Variants in COL16A1 observed in about 807,000 individuals in gnomAD.
COL16A1 encodes the protein collagen type XVI alpha 1 chain.
In COL16A1, 189 loss-of-function variants were observed where a neutral mutation model predicts 266.3. The observed-to-expected ratio is 0.71, with a 90% CI of 0.63 to 0.80. COL16A1 has a LOEUF of 0.80. Among genes scored for constraint, COL16A1 ranks in the 30% least tolerant of loss-of-function variants. The probability of loss-of-function intolerance (pLI) is 0.00; values close to 1 mark genes in which losing one functional copy is unlikely to be tolerated. For missense variants in COL16A1, 1,928 were observed against 2,122.4 expected (o/e 0.91, Z 1.80); for synonymous variants, 740 against 782.3 (o/e 0.95, Z 0.90).
In COL16A1 at chr1:31,685,920, G is replaced by A; in HGVS notation, c.1885-150C>T. ...TCTTGGGAAAGATGAAGGGAGAACAGGAAAGAAACAAAGGTGGAGCTGAGT... is the reference window on the plus strand; with the variant it reads ...TCTTGGGAAAGATGAAGGGAGAACAAGAAAGAAACAAAGGTGGAGCTGAGT... On this transcript the variant is annotated intron_variant, in intron 28 of 70. Transcript: ENST00000373672. This position sits in a 1 kb window ranked among gnomAD's most constrained non-coding sequence, Gnocchi z 4.0. 2 of 1,498,162 alleles carry A rather than the reference G, an allele frequency of 1.3e-6. No homozygotes were observed. The highest frequency in any genetic ancestry group is 1.3e-5 in the South Asian group (1 of 77,488). 92.8% of individuals were successfully genotyped at this position (1,498,162 alleles called of 1,614,324 possible).
At chr1:31,686,185 C>G (rs1270739194) in intron 27 of COL16A1, 50 bp from the exon 28 acceptor site, 5 of 1,614,160 alleles carry the variant, frequency 3.1e-6, no homozygotes, top group Admixed American at 1.7e-5. Flanking sequence ...CAGGGCCATG[C>G]CTATCAGCCC....
intron 39 of COL16A1, 124 bp downstream of exon 39, chr1:31,680,781 C>A: frequency 6.4e-7 from 1 of 1,569,614 alleles, no homozygotes; most frequent in Non-Finnish European, 8.7e-7. Flanking sequence ...TGTGCACAGG[C>A]TCCCCTGGTT....
At position 31,684,710 on chromosome 1, in the gene COL16A1, C is replaced by T. The variant is rs1268483699; in HGVS notation, c.2053-80G>A. 7.5e-6 allele frequency: 12 copies of T among 1,608,724 alleles called. No homozygotes were observed. The African/African-American group carries it at 1.2e-4, about 16-fold the overall frequency. On this transcript the variant is annotated intron_variant, in intron 30 of 70. Coordinates refer to ENST00000373672, the MANE Select transcript of COL16A1 (RefSeq NM_001856.4). ...CCCCCCTGGGACTCGCAGGCACTCA[C>T]ACTCCTTTGCCGGGGCTGAGGGTTG... is the stretch of plus-strand genomic sequence containing the variant.
At chr1:31,689,373 T>A in intron 23 of COL16A1, 1 of 587,606 alleles carries the variant, frequency 1.7e-6, no homozygotes, top group Non-Finnish European at 3.0e-6. Flanking sequence ...AAAGAGGGGG[T>A]CTGTGAGAGA....
At chr1:31,679,386 A>G in intron 42 of COL16A1, 1 of 1,514,810 alleles carries the variant, frequency 6.6e-7, no homozygotes, top group Non-Finnish European at 8.9e-7. Context: ...TCTGACCCAG[A>G]TTGTGGGTGC....
intron 11 of COL16A1, among the ~76,000 whole-genome samples, chr1:31,694,958 G>C (rs576876605): frequency 6.6e-6 from 1 of 152,192 alleles, no homozygotes; most frequent in Admixed American, 6.5e-5. Context: ...CCCTGAACCC[G>C]AACACACTGC....
chr1:31,700,562 G>A (rs887342013), intron 2 of COL16A1, among the ~76,000 whole-genome samples: 6 of 152,240 alleles, frequency 3.9e-5, no homozygotes, highest in Admixed American at 2.0e-4. Flanking sequence ...CAGGGGTAAG[G>A]AAATGTCAGA....
At chr1:31,696,727 T>C (rs1227119902) in intron 8 of COL16A1, among the ~76,000 whole-genome samples, 2 of 152,298 alleles carry the variant, frequency 1.3e-5, no homozygotes, top group African/African-American at 4.8e-5. Context: ...AGCTAGATGG[T>C]ACCACTCTCA....
intron 55 of COL16A1, 38 bp from the exon 56 acceptor site, chr1:31,665,272 G>A: frequency 6.3e-7 from 1 of 1,578,784 alleles, no homozygotes; most frequent in South Asian, 1.2e-5. Context: ...TGAAAGTGGG[G>A]CTGGAGGGGG....
intron 13 of COL16A1, 45 bp from the exon 14 acceptor site, chr1:31,692,853 A>T (rs1644335112): frequency 6.4e-7 from 1 of 1,565,782 alleles, no homozygotes; most frequent in Middle Eastern, 1.7e-4. Flanking sequence ...CTCCTGGGGA[A>T]GTCCCCTAGA....
intron 23 of COL16A1, chr1:31,689,402 G>T: frequency 1.8e-6 from 1 of 568,554 alleles, no homozygotes; most frequent in Non-Finnish European, 3.1e-6. Context: ...ACCCAGTCCT[G>T]CTCACTCCTT....
At chr1:31,654,933 G>A (rs948691176) in intron 67 of COL16A1, 75 bp from the exon 68 acceptor site, 4 of 1,588,902 alleles carry the variant, frequency 2.5e-6, no homozygotes, top group Non-Finnish European at 3.4e-6. Context: ...ATAAAGGATG[G>A]GGAGGAAGGC....
Position 31,684,208 on chromosome 1 carries a change from G to A in COL16A1, c.2184C>T (p.Pro728=), listed in dbSNP as rs2148771626. ...GEKGDGCTAC[P]SLQGTVTDMA... ...TGTCTGTCACTGTCCCCTGCAGGCT[G>A]GGGCAGGCAGTGCAGCCATCACCCT... The change falls in exon 32 of 71, where the codon CCC becomes CCT. Residue 728 remains proline (P), a synonymous_variant. Coordinates refer to ENST00000373672, the MANE Select transcript of COL16A1 (RefSeq NM_001856.4). 1 of 1,516,174 alleles carries A rather than the reference G, an allele frequency of 6.6e-7. No individual in the cohort carries two copies. The allele number at this position is 1,516,174 out of a possible 1,614,324, so 93.9% of individuals were successfully genotyped here.
At chr1:31,671,157 C>T (rs1406084432) in intron 48 of COL16A1, among the ~76,000 whole-genome samples, 1 of 152,224 alleles carries the variant, frequency 6.6e-6, no homozygotes, top group African/African-American at 2.4e-5. Flanking sequence ...TAGATTTACC[C>T]TAGAGATGGC....
At chr1:31,680,779 G>C in intron 39 of COL16A1, 126 bp downstream of exon 39, 1 of 1,565,858 alleles carries the variant, frequency 6.4e-7, no homozygotes, top group Non-Finnish European at 8.7e-7. Flanking sequence ...CATGTGCACA[G>C]GCTCCCCTGG....
Position 31,668,291 on chromosome 1 carries a change from C to T in COL16A1, c.3250-73G>A. ...CTCCCCTCGCTGGGTAAGAGGATGG[C>T]CAAAGCTAAAACCTCTGGGGCTGCC... is the stretch of plus-strand genomic sequence containing the variant. On this transcript the variant is annotated intron_variant, in intron 50 of 70. Coordinates refer to ENST00000373672, the MANE Select transcript of COL16A1 (RefSeq NM_001856.4). This position sits in a 1 kb window ranked among gnomAD's most constrained non-coding sequence, Gnocchi z 5.8. 6.6e-7 allele frequency: 1 copy of T among 1,515,360 alleles called. No homozygotes were observed. The highest frequency in any genetic ancestry group is 9.2e-7 in the Non-Finnish European group (1 of 1,092,622). The allele number at this position is 1,515,360 out of a possible 1,614,324, so 93.9% of individuals were successfully genotyped here.
In COL16A1 at chr1:31,661,028, G is replaced by C. The variant is rs376727333; in HGVS notation, c.3825+38C>G. ...ATCCCAGACTCTGCAGAGTCTGAAG[G>C]CAAACTGAAGGCAGCCATGTGGATC... On this transcript the variant is annotated intron_variant, in intron 61 of 70. Transcript: ENST00000373672. 100 of 1,546,332 alleles carry C rather than the reference G, an allele frequency of 6.5e-5. No individual in the cohort carries two copies. The African/African-American group carries it at 1.2e-3, about 18-fold the overall frequency.
chr1:31,669,527 C>T (rs1386172595), intron 49 of COL16A1, among the ~76,000 whole-genome samples: 1 of 152,074 alleles, frequency 6.6e-6, no homozygotes, highest in Non-Finnish European at 1.5e-5. Context: ...TCCCTCATCC[C>T]CTCAAGAGAT....
At chr1:31,675,166 C>T in intron 43 of COL16A1, 92 bp downstream of exon 43, 1 of 1,611,052 alleles carries the variant, frequency 6.2e-7, no homozygotes, top group Non-Finnish European at 8.5e-7. Context: ...AAGAGGGACC[C>T]CCACTGCAGC....
Sources: allele counts gnomAD v4.1 joint callset (sites outside exome capture counted in the v4.1 genomes callset), GRCh38; gene constraint gnomAD v4.1.1; non-coding constraint Gnocchi (gnomAD v3.1); transcripts MANE v1.5; gene names NCBI Gene and HGNC (gene_info 2026-07-23, HGNC 2026-07-21).